Variants in FCRLA observed in about 807,000 individuals in gnomAD.
The protein encoded by FCRLA is Fc receptor like A.
In FCRLA, 26 loss-of-function variants were observed where a neutral mutation model predicts 28.4. The observed-to-expected ratio is 0.91, with a 90% CI of 0.67 to 1.27. The LOEUF (loss-of-function observed/expected upper bound fraction) is 1.27, where lower values mean the gene tolerates loss of function less well. FCRLA is among the 50% of genes most tolerant of loss of function. The pLI, the probability that FCRLA is intolerant of heterozygous loss-of-function variation, is 0.00. For missense variants in FCRLA, 422 were observed against 433.1 expected, an observed-to-expected ratio of 0.97 and a Z score of 0.23; for synonymous variants, 174 against 168.5, an observed-to-expected ratio of 1.03 and a Z score of -0.25.
rs1306557499 is a variant in FCRLA at position 161,710,605 on chromosome 1, A to G, written c.80-155A>G. On this transcript the variant is annotated intron_variant, in intron 1 of 4. Transcript: ENST00000236938. ...AAGGTCAAAACTATCCCCCTGAGAC[A>G]CTCTCAGGGGTCTTTCCGAAAAAAA... 8.8e-6 allele frequency: 12 copies of G among 1,357,504 alleles called. 1 individual carries two copies. In the Admixed American group the frequency reaches 2.4e-4, roughly 27 times the overall value. 84.1% of individuals were successfully genotyped at this position (1,357,504 alleles called of 1,614,324 possible). A position where few individuals can be genotyped will look rare whatever the true frequency, so the allele number is the denominator to read the frequency against.
chr1:161,708,614 C>T (rs1038443723), intron 1 of FCRLA, among the ~76,000 whole-genome samples: 8 of 152,204 alleles, frequency 5.3e-5, no homozygotes, highest in African/African-American at 1.7e-4. Flanking sequence ...TTCATATTTA[C>T]ATACTCACAC....
rs140395904 is a variant in FCRLA at position 161,711,946 on chromosome 1, C to A, written c.512C>A (p.Ala171Glu). Reference protein sequence around the residue: ...VAITVQELFPAPILRAVPSAE... With the variant: ...VAITVQELFPEPILRAVPSAE... ...ATCTTTTTCCCAGAACTGTTTCCAG[C>A]GCCAATTCTCAGAGCTGTACCCTCA... The change falls in exon 4 of 5, where the codon GCG (alanine) becomes GAG (glutamate). Residue 171 changes from alanine (A) to glutamate (E), a missense_variant. Physicochemically the swap from Ala to Glu is moderately radical, Grantham distance 107. Coordinates refer to ENST00000236938, the MANE Select transcript of FCRLA (RefSeq NM_032738.4). The A allele has an allele frequency of 6.2e-7, 1 of 1,609,494 alleles. No homozygotes were observed. The highest frequency in any genetic ancestry group is 8.5e-7 in the Non-Finnish European group (1 of 1,177,534).
intron 1 of FCRLA, chr1:161,710,213 C>T: frequency 3.8e-6 from 2 of 528,692 alleles, no homozygotes; most frequent in East Asian, 3.3e-5. Context: ...GACACACCTG[C>T]CTTTCCCGAT....
Position 161,713,158 on chromosome 1 carries a change from T to C in FCRLA, c.858T>C (p.Pro286=), listed in dbSNP as rs142513309. Residue 286 remains proline (P), a synonymous_variant, in exon 5 of 5, where the codon CCT becomes CCC. Coordinates refer to ENST00000236938, the MANE Select transcript of FCRLA (RefSeq NM_032738.4). ...AATCAGCTGCTCCAGGAACTGCTCC[T>C]GAGGAGGCCCCTGGGCCTCTGCCTC... ...PQKSAAPGTA[P]EEAPGPLPPP... 944 of 1,614,226 alleles carry C rather than the reference T, an allele frequency of 5.8e-4. 2 individuals carry two copies. The highest frequency in any genetic ancestry group is 1.8e-3 in the Admixed American group (110 of 60,030).
intron 1 of FCRLA, among the ~76,000 whole-genome samples, chr1:161,709,471 G>C (rs1440590031): frequency 1.3e-5 from 2 of 152,184 alleles, no homozygotes; most frequent in Admixed American, 6.5e-5. Flanking sequence ...AGAGGAGGCA[G>C]AGCACAGATG....
At chr1:161,707,965 C>T (rs1682905338) in intron 1 of FCRLA, among the ~76,000 whole-genome samples, 1 of 152,208 alleles carries the variant, frequency 6.6e-6, no homozygotes, top group Non-Finnish European at 1.5e-5. Flanking sequence ...TCTTTCTTTA[C>T]ACAATCTCCT....
At chr1:161,709,959 T>G (rs1279216411) in intron 1 of FCRLA, among the ~76,000 whole-genome samples, 1 of 151,962 alleles carries the variant, frequency 6.6e-6, no homozygotes, top group East Asian at 1.9e-4. Context: ...CAGGGAAAAT[T>G]CAAGTGGCAG....
At chr1:161,710,670 AT>A in intron 1 of FCRLA, 89 bp from the exon 2 acceptor site, 1 of 1,549,898 alleles carries the variant, frequency 6.5e-7, no homozygotes, top group Non-Finnish European at 8.9e-7. Context: ...TCTAAAAAGG[AT>A]GATTATCCTG....
At chr1:161,711,557 G>T in intron 3 of FCRLA, 83 bp downstream of exon 3, 1 of 1,502,278 alleles carries the variant, frequency 6.7e-7, no homozygotes. Flanking sequence ...TAGCCTGGAG[G>T]TAGCAAGATC....
chr1:161,710,626 A>G (rs1055889754), intron 1 of FCRLA, 134 bp from the exon 2 acceptor site: 1 of 1,445,566 alleles, frequency 6.9e-7, no homozygotes, highest in Non-Finnish European at 9.5e-7. Flanking sequence ...TCTTTCCGAA[A>G]AAAAAAAAGG....
At chr1:161,712,543 G>T (rs1017725527) in intron 4 of FCRLA, among the ~76,000 whole-genome samples, 17 of 152,190 alleles carry the variant, frequency 1.1e-4, no homozygotes, top group African/African-American at 4.1e-4. Flanking sequence ...GGGATAGTCT[G>T]AAGTCTATGT....
intron 4 of FCRLA, 129 bp from the exon 5 acceptor site, chr1:161,712,956 G>A: frequency 1.9e-6 from 2 of 1,029,840 alleles, no homozygotes; most frequent in Non-Finnish European, 2.9e-6. Context: ...GGACACTAGA[G>A]TCCTCAAGTC....
rs201513236 is a variant in FCRLA, at chr1:161,713,265, G to A, written c.965G>A (p.Gly322Asp). 4.8e-5 allele frequency: 77 copies of A among 1,614,106 alleles called. No individual in the cohort carries two copies. Among genetic ancestry groups the A allele is most frequent in the African/African-American group, 5.3e-5 (4 of 74,926 alleles). The change falls in exon 5 of 5, where the codon GGC (glycine) becomes GAC (aspartate). Residue 322 changes from glycine to aspartate, a missense_variant. Gly to Asp is a moderately conservative substitution (Grantham distance 94). Around this residue, in one of 3 missense-constraint regions of FCRLA, gnomAD observed 185 missense variants for 198.1 expected, o/e 0.93. Coordinates refer to ENST00000236938, the MANE Select transcript of FCRLA (RefSeq NM_032738.4). ...MPDPHLYHQM[G>D]LLLKHMQDVR... ...GATCCTCATCTGTATCACCAGATGG[G>A]CCTTCTTCTCAAACACATGCAGGAT...
chr1:161,710,853 C>T lies in FCRLA; in HGVS notation c.173C>T (p.Ala58Val). The T allele has an allele frequency of 1.2e-6, 2 of 1,613,968 alleles. No individual in the cohort carries two copies. The highest frequency in any genetic ancestry group is 1.7e-6 in the Non-Finnish European group (2 of 1,180,034). The change falls in exon 2 of 5, where the codon GCT (alanine) becomes GTT (valine). Residue 58 changes from alanine to valine, a missense_variant. This residue lies in a region of FCRLA where 231 missense variants were observed against 214.6 expected (regional missense o/e 1.08). Transcript: ENST00000236938. ...TEDDLTDARE[A>V]GFQVKAYTFS... is the part of the protein sequence containing the mutation. The stretch of plus-strand genomic sequence containing the variant: ...GATGACTTGACTGATGCAAGGGAAG[C>T]TGGCTTCCAGGTCAAGGCCTACACT...
Position 161,713,120 on chromosome 1 carries a change from C to T in FCRLA, c.820C>T (p.Pro274Ser). The change falls in exon 5 of 5, where the codon CCA (proline) becomes TCA (serine). Residue 274 changes from proline to serine, a missense_variant. Coordinates refer to ENST00000236938, the MANE Select transcript of FCRLA (RefSeq NM_032738.4). ...SSSAAPPTLNPAPQKSAAPGT... is the reference protein window; with the variant it reads ...SSSAAPPTLNSAPQKSAAPGT... The stretch of plus-strand genomic sequence containing the variant: ...CTCTGCTGCACCTCCCACATTGAAT[C>T]CAGCTCCTCAGAAATCAGCTGCTCC... 1 of 1,614,004 alleles carries T rather than the reference C, an allele frequency of 6.2e-7. No individual in the cohort carries two copies. Among genetic ancestry groups the T allele is most frequent in the East Asian group, 2.2e-5 (1 of 44,882 alleles).
At chr1:161,712,322 T>A in intron 4 of FCRLA, 104 bp downstream of exon 4, 2 of 1,361,002 alleles carry the variant, frequency 1.5e-6, no homozygotes, top group Non-Finnish European at 2.0e-6. Flanking sequence ...GTGAGCAGGT[T>A]AAGAAGGGAC....
Position 161,711,251 on chromosome 1 carries a change from G to A in FCRLA, c.276G>A (p.Gly92=). 1 of 1,614,178 alleles carries A rather than the reference G, an allele frequency of 6.2e-7. No individual in the cohort carries two copies. Among genetic ancestry groups the A allele is most frequent in the East Asian group, 2.2e-5 (1 of 44,874 alleles). ...GTCCAGCCAAGCCAGTTTTTGAAGG[G>A]GACCTGCTGGTTCTGCGCTGCCAGG... The part of the protein sequence containing the change: ...LQGPAKPVFE[G]DLLVLRCQAW... The change falls in exon 3 of 5, where the codon GGG becomes GGA. Residue 92 remains glycine (G), a synonymous_variant. Transcript: ENST00000236938.
At chr1:161,709,711 G>C (rs1683003978) in intron 1 of FCRLA, among the ~76,000 whole-genome samples, 1 of 152,140 alleles carries the variant, frequency 6.6e-6, no homozygotes, top group Non-Finnish European at 1.5e-5. Context: ...ATGCACATGT[G>C]AATGGCCATG....
chr1:161,710,169 C>T, intron 1 of FCRLA: 1 of 428,562 alleles, frequency 2.3e-6, no homozygotes, highest in Non-Finnish European at 4.3e-6. Context: ...CATATTTGCA[C>T]AGTGAAGTAA....
Sources: gnomAD v4.1 joint callset for allele counts (sites outside exome capture counted in the v4.1 genomes callset) on GRCh38, gnomAD v4.1.1 for gene constraint, gnomAD v4.1.1 regional missense constraint, MANE v1.5 for transcripts, NCBI Gene and HGNC (gene_info 2026-07-23, HGNC 2026-07-21) for gene names.